VWA3B: variants seen among roughly 807,000 people sequenced by gnomAD.
VWA3B encodes the protein von Willebrand factor A domain-containing protein 3B.
In VWA3B, 138 loss-of-function variants were observed where a neutral mutation model predicts 158.3. That is an observed-to-expected ratio of 0.87 (90% CI 0.76 to 1.00). The LOEUF (loss-of-function observed/expected upper bound fraction) is 1.00, where lower values mean the gene tolerates loss of function less well. Among genes scored for constraint, VWA3B ranks in the 50% least tolerant of loss-of-function variants. The pLI, the probability that VWA3B is intolerant of heterozygous loss-of-function variation, is 0.00. For missense variants in VWA3B, 1,555 were observed against 1,565.1 expected, an observed-to-expected ratio of 0.99 and a Z score of 0.11; for synonymous variants, 596 against 587.3, an observed-to-expected ratio of 1.01 and a Z score of -0.21.
intron 22 of VWA3B, among the ~76,000 whole-genome samples, chr2:98,274,783 C>T (rs1688419510): frequency 6.6e-6 from 1 of 152,144 alleles, no homozygotes; most frequent in African/African-American, 2.4e-5. Flanking sequence ...GACCAAAATC[C>T]GGTGCAGCGC....
In VWA3B at chr2:98,164,980, C is replaced by T. The variant is rs111394459; in HGVS notation, c.1114+2004C>T. ...TTAGCCTTATTCTTCTGCACAACGACTATCATAATCTTGATGCTGAGGAAC... is the reference window on the plus strand; with the variant it reads ...TTAGCCTTATTCTTCTGCACAACGATTATCATAATCTTGATGCTGAGGAAC... On this transcript the variant is annotated intron_variant, in intron 8 of 27. Transcript: ENST00000477737. 9.7e-3 allele frequency among the ~76,000 whole-genome samples: 1,482 copies of T among 152,326 alleles called. 17 individuals are homozygous for T. The highest frequency in any genetic ancestry group is 0.034 in the African/African-American group (1,393 of 41,570).
chr2:98,307,484 G>C (rs1690596920), intron 26 of VWA3B, among the ~76,000 whole-genome samples: 1 of 152,208 alleles, frequency 6.6e-6, no homozygotes, highest in Non-Finnish European at 1.5e-5. Flanking sequence ...AGAGGAACAG[G>C]CTATGACCTA....
chr2:98,222,642 G>C (rs570364728), intron 14 of VWA3B, among the ~76,000 whole-genome samples: 14 of 152,184 alleles, frequency 9.2e-5, no homozygotes, highest in African/African-American at 3.4e-4. Context: ...AGGACAGCAG[G>C]GGAGGTACCA....
chr2:98,180,985 T>C, intron 8 of VWA3B, 31 bp from the exon 9 acceptor site: 1 of 1,609,952 alleles, frequency 6.2e-7, no homozygotes, highest in South Asian at 1.1e-5. Context: ...GCTCATGCAG[T>C]ATGAATGGCT....
At chr2:98,294,725 T>C (rs1426478127) in intron 23 of VWA3B, among the ~76,000 whole-genome samples, 1 of 152,186 alleles carries the variant, frequency 6.6e-6, no homozygotes, top group Non-Finnish European at 1.5e-5. Flanking sequence ...GAAGTTGTCA[T>C]GAAGAAAAAG....
At chr2:98,140,962 C>A (rs1223501318) in intron 7 of VWA3B, among the ~76,000 whole-genome samples, 1 of 152,204 alleles carries the variant, frequency 6.6e-6, no homozygotes, top group African/African-American at 2.4e-5. Flanking sequence ...CCCAGGCCCC[C>A]TCACCAATGG....
chr2:98,203,469 C>G (rs759508390), intron 12 of VWA3B, among the ~76,000 whole-genome samples: 6 of 152,170 alleles, frequency 3.9e-5, no homozygotes, highest in Non-Finnish European at 8.8e-5. Context: ...CTATTGAAAA[C>G]CTTGCTGACA....
intron 14 of VWA3B, among the ~76,000 whole-genome samples, chr2:98,224,587 A>G (rs1267439126): frequency 1.3e-5 from 2 of 151,446 alleles, no homozygotes; most frequent in African/African-American, 4.8e-5. Context: ...ATAGAATTGT[A>G]AGAAAAAAAA....
At chr2:98,135,485 G>A (rs1676212616) in intron 7 of VWA3B, among the ~76,000 whole-genome samples, 1 of 149,852 alleles carries the variant, frequency 6.7e-6, no homozygotes, top group Non-Finnish European at 1.5e-5. Flanking sequence ...ACAGGCGCCC[G>A]CCACTACGCC....
intron 20 of VWA3B, 49 bp from the exon 21 acceptor site, chr2:98,256,075 G>C: frequency 6.2e-7 from 1 of 1,607,308 alleles, no homozygotes; most frequent in African/African-American, 1.3e-5. Flanking sequence ...CTTTTGCCAT[G>C]AAATGAAGTA....
the VWA3B span, among the ~76,000 whole-genome samples, chr2:98,328,697 G>C: frequency 2.7e-4 from 41 of 152,118 alleles, no homozygotes; most frequent in Non-Finnish European, 5.0e-4. Flanking sequence ...ATCAAAATAA[G>C]TAGATAAATC....
chr2:98,228,977 G>C (rs1412073825), intron 15 of VWA3B: 1 of 151,908 alleles, frequency 6.6e-6, no homozygotes, highest in Admixed American at 6.6e-5. Flanking sequence ...ATAGAAAATT[G>C]GGGGAAAAAA....
chr2:98,115,825 CT>C, intron 3 of VWA3B, 79 bp downstream of exon 3: 1 of 1,195,920 alleles, frequency 8.4e-7, no homozygotes, highest in South Asian at 1.3e-5. Context: ...TGGGGAGAGA[CT>C]TGTGCTGCTT....
At chr2:98,236,802 T>C (rs2105737719) in intron 19 of VWA3B, 72 bp downstream of exon 19, 1 of 1,535,372 alleles carries the variant, frequency 6.5e-7, no homozygotes, top group Non-Finnish European at 8.8e-7. Context: ...GTAGTCCAAT[T>C]TCTTGTGTGG....
intron 23 of VWA3B, 110 bp from the exon 24 acceptor site, chr2:98,297,797 A>G: frequency 7.6e-7 from 1 of 1,319,654 alleles, no homozygotes; most frequent in Non-Finnish European, 9.8e-7. Context: ...GGGCACACTG[A>G]TTTAAACAGG....
chr2:98,215,228 G>A (rs1683876176), intron 13 of VWA3B, among the ~76,000 whole-genome samples: 1 of 151,906 alleles, frequency 6.6e-6, no homozygotes, highest in South Asian at 2.1e-4. Flanking sequence ...GGATCACAAG[G>A]TCAGGAGATC....
intron 8 of VWA3B, among the ~76,000 whole-genome samples, chr2:98,165,726 G>A (rs1031694272): frequency 2.6e-5 from 4 of 152,194 alleles, no homozygotes; most frequent in Admixed American, 2.0e-4. Flanking sequence ...TAGGGCACTG[G>A]TTGCTGTGGT....
chr2:98,128,147 G>A, intron 5 of VWA3B, 92 bp from the exon 6 acceptor site: 1 of 1,461,062 alleles, frequency 6.8e-7, no homozygotes, highest in South Asian at 1.4e-5. Context: ...TTTTTTCTAA[G>A]AGATCGTTTT....
intron 7 of VWA3B, among the ~76,000 whole-genome samples, chr2:98,153,328 C>T (rs1677785725): frequency 6.6e-6 from 1 of 152,170 alleles, no homozygotes; most frequent in South Asian, 2.1e-4. Flanking sequence ...TGGCAAATGT[C>T]CTTAGAACAG....
Sources: allele counts gnomAD v4.1 joint callset (sites outside exome capture counted in the v4.1 genomes callset), GRCh38; gene constraint gnomAD v4.1.1; transcripts MANE v1.5; gene names NCBI Gene and HGNC (gene_info 2026-07-23, HGNC 2026-07-21).